Variants in ZFP92 observed in about 807,000 individuals in gnomAD.
ZFP92 encodes zinc finger protein 92 homolog.
A neutral mutation model predicts 7.6 loss-of-function variants in ZFP92; 2 were observed. The observed-to-expected ratio is 0.26, with a 90% CI of 0.11 to 0.83. ZFP92 has a LOEUF of 0.83. Ranked by LOEUF, ZFP92 falls within the 40% of genes least tolerant of loss-of-function variation. The probability of loss-of-function intolerance (pLI) is 0.65; values close to 1 mark genes in which losing one functional copy is unlikely to be tolerated. For synonymous variants in ZFP92, 226 were observed against 183.6 expected, an observed-to-expected ratio of 1.23 and a Z score of -1.87; for missense variants, 324 against 408.3, an observed-to-expected ratio of 0.79 and a Z score of 1.78.
chrX:153,421,761 T>C lies in ZFP92; in HGVS notation c.*133T>C. 1.3e-6 allele frequency: 1 copy of C among 796,744 alleles called. No homozygotes were observed. 65.7% of individuals were successfully genotyped at this position (796,744 alleles called of 1,213,427 possible). A position where few individuals can be genotyped will look rare whatever the true frequency, so the allele number is the denominator to read the frequency against. On this transcript the variant is annotated 3_prime_UTR_variant, in exon 6 of 6. Transcript: ENST00000338647. ...ATTGCGGCCACAGCCCTGACCTCTTTGGCCATCAGAAGACCCCAGGCAGAG... is the reference window on the plus strand; with the variant it reads ...ATTGCGGCCACAGCCCTGACCTCTTCGGCCATCAGAAGACCCCAGGCAGAG...
chrX:153,421,814 A>G lies in ZFP92; in HGVS notation c.*186A>G, dbSNP rs1243074950. The G allele has an allele frequency of 1.8e-6, 1 of 542,276 alleles. No homozygotes were observed. Among genetic ancestry groups the G allele is most frequent in the African/African-American group, 2.5e-5 (1 of 39,830 alleles). 44.7% of individuals were successfully genotyped at this position (542,276 alleles called of 1,213,427 possible). On this transcript the variant is annotated 3_prime_UTR_variant, in exon 6 of 6. Coordinates refer to ENST00000338647, the MANE Select transcript of ZFP92 (RefSeq NM_001136273.2). Reference sequence around the variant, plus strand: ...TCACCCTGAGGCTGAGAAACGCAGGAAGGACTCAGAACCGAGGACTGCCGC... The same window carrying G: ...TCACCCTGAGGCTGAGAAACGCAGGGAGGACTCAGAACCGAGGACTGCCGC...
rs782333576 is a variant in ZFP92 at position 153,421,312 on chromosome X, G to A, written c.935G>A (p.Arg312His). 2.4e-5 allele frequency: 28 copies of A among 1,167,608 alleles called. 1 individual carries two copies. In the South Asian group the frequency reaches 4.9e-4, roughly 20 times the overall value. ...GTCTCGCAGCTCATCCACCACCAGC[G>A]CAGCCACAGCGGCGAGCGGCCCTTC... Reference protein sequence around the residue: ...KGVSQLIHHQRSHSGERPFAC... With the variant: ...KGVSQLIHHQHSHSGERPFAC... The change falls in exon 6 of 6, where the codon CGC becomes CAC. Residue 312 changes from arginine to histidine, a missense_variant. Physicochemically the swap from Arg to His is conservative, Grantham distance 29 (BLOSUM62 0). Coordinates refer to ENST00000338647, the MANE Select transcript of ZFP92 (RefSeq NM_001136273.2).
Position 153,423,011 on chromosome X carries a change from T to C in ZFP92, c.*1383T>C, listed in dbSNP as rs781946005. 1.7e-4 allele frequency: 19 copies of C among 111,895 alleles called. No homozygotes were observed. Among genetic ancestry groups the C allele is most frequent in the Admixed American group, 1.6e-3 (17 of 10,691 alleles). The allele number at this position is 111,895 out of a possible 1,213,427, so 9.2% of individuals were successfully genotyped here. On this transcript the variant is annotated 3_prime_UTR_variant, in exon 6 of 6. Coordinates refer to ENST00000338647, the MANE Select transcript of ZFP92 (RefSeq NM_001136273.2). ...TTAGCCCTGCAGAAACAGGGCAGAC[T>C]CTTCAAATGGCACTTTACTGAAAGC...
In ZFP92 at chrX:153,421,899, C is replaced by T; in HGVS notation, c.*271C>T. ...TGGGAATGGAGGCCCTCTACTCCCT[C>T]CTGAGTCCTGGGCCTTGCAACTGAG... On this transcript the variant is annotated 3_prime_UTR_variant, in exon 6 of 6. Transcript: ENST00000338647. The T allele has an allele frequency of 4.6e-6, 1 of 218,431 alleles. No homozygotes were observed. The highest frequency in any genetic ancestry group is 8.0e-6 in the Non-Finnish European group (1 of 125,381). 18.0% of individuals were successfully genotyped at this position (218,431 alleles called of 1,213,427 possible).
rs2088993505 is a variant in ZFP92 at position 153,420,848 on chromosome X, T to C, written c.471T>C (p.Cys157=). The C allele has an allele frequency of 8.5e-7, 1 of 1,180,347 alleles. No homozygotes were observed. The highest frequency in any genetic ancestry group is 2.5e-5 in the Admixed American group (1 of 40,404). The change falls in exon 6 of 6, where the codon TGT becomes TGC. Residue 157 remains cysteine (C), a synonymous_variant. Transcript: ENST00000338647. ...AGAAGCGGTACCTGTGCCAGCAGTG[T>C]GGGAAGGCCTTCAGCCGCAGCTCCA... ...GAEKRYLCQQ[C]GKAFSRSSNL... is the part of the protein sequence containing the mutation.
chrX:153,411,865 G>A (rs372155094), intron 1 of ZFP92, among the ~76,000 whole-genome samples, 100 bp from the exon 2 acceptor site: 1 of 77,368 alleles, frequency 1.3e-5, no homozygotes, highest in Non-Finnish European at 2.5e-5. Context: ...CAGCCCTCGG[G>A]GCCGCCCCGT....
chrX:153,419,624 T>C (rs781968114), intron 4 of ZFP92, among the ~76,000 whole-genome samples: 92 of 112,464 alleles, frequency 8.2e-4, no homozygotes, highest in African/African-American at 1.9e-3. Flanking sequence ...ACACTCCACT[T>C]CCCCTTGCCG....
intron 2 of ZFP92, among the ~76,000 whole-genome samples, chrX:153,413,999 T>G (rs782334237): frequency 2.4e-4 from 27 of 112,556 alleles, no homozygotes; most frequent in Middle Eastern, 4.6e-3. Context: ...CACTCAACAG[T>G]GCTCTGCTCC....
intron 2 of ZFP92, among the ~76,000 whole-genome samples, 180 bp from the exon 3 acceptor site, chrX:153,418,125 G>A (rs1369889444): frequency 8.9e-6 from 1 of 112,175 alleles, no homozygotes; most frequent in African/African-American, 3.2e-5. Flanking sequence ...GGCCGCCCCA[G>A]GAAGCCATAC....
chrX:153,424,580 G>A lies in ZFP92; in HGVS notation c.*2952G>A, dbSNP rs1466487115. The A allele has an allele frequency of 8.9e-6, 1 of 112,095 alleles. No homozygotes were observed. The highest frequency in any genetic ancestry group is 1.9e-5 in the Non-Finnish European group (1 of 53,191). The allele number at this position is 112,095 out of a possible 1,213,427, so 9.2% of individuals were successfully genotyped here. A position where few individuals can be genotyped will look rare whatever the true frequency, so the allele number is the denominator to read the frequency against. ...AGAATGTAAAAGCTTAAACTATGGG[G>A]AAAGTCTTGCCTGTTTTCCAAGGCT... On this transcript the variant is annotated 3_prime_UTR_variant, in exon 6 of 6. Transcript: ENST00000338647.
intron 4 of ZFP92, among the ~76,000 whole-genome samples, chrX:153,419,454 G>T (rs782002973): frequency 2.7e-5 from 3 of 112,714 alleles, no homozygotes; most frequent in Non-Finnish European, 5.6e-5. Flanking sequence ...GGTAAAGAAC[G>T]TCTGAGGGTG....
Position 153,417,882 on chromosome X carries a change from G to A in ZFP92, c.-18-423G>A, listed in dbSNP as rs138924980. On this transcript the variant is annotated intron_variant, in intron 2 of 5. Transcript: ENST00000338647. ...AGGGTGGGCCCTAATCCAGTGATTG[G>A]CATTCACAACAGACCAGGGAAATTG... Among the ~76,000 whole-genome samples the A allele has an allele frequency of 4.6e-3, 510 of 112,013 alleles. 2 individuals are homozygous for A. The highest frequency in any genetic ancestry group is 0.016 in the African/African-American group (481 of 30,814).
intron 2 of ZFP92, among the ~76,000 whole-genome samples, chrX:153,414,670 A>G (rs1237829989): frequency 9.0e-6 from 1 of 111,664 alleles, no homozygotes; most frequent in Non-Finnish European, 1.9e-5. Flanking sequence ...TTTAAAGAGA[A>G]CAATTCAGAG....
At position 153,423,169 on chromosome X, in the gene ZFP92, C is replaced by G. The variant is rs1374512348; in HGVS notation, c.*1541C>G. ...CCCTTGGTGCTCTCAGCCCAGCGTC[C>G]TGGTCAGCGGCCACCTCCTTCCAGC... On this transcript the variant is annotated 3_prime_UTR_variant, in exon 6 of 6. Coordinates refer to ENST00000338647, the MANE Select transcript of ZFP92 (RefSeq NM_001136273.2). The G allele has an allele frequency of 8.9e-6, 1 of 111,753 alleles. No individual in the cohort carries two copies. The highest frequency in any genetic ancestry group is 1.9e-5 in the Non-Finnish European group (1 of 53,062). 9.2% of individuals were successfully genotyped at this position (111,753 alleles called of 1,213,427 possible).
intron 2 of ZFP92, among the ~76,000 whole-genome samples, chrX:153,414,796 A>AC (rs1290509181): frequency 8.7e-5 from 6 of 68,998 alleles, no homozygotes; most frequent in African/African-American, 2.8e-4. Flanking sequence ...CCATCCCCCC[A>AC]CCCCCGGGCA....
intron 2 of ZFP92, among the ~76,000 whole-genome samples, chrX:153,417,445 GCACTGCCCTCACCTCTCTTCTCTT>G (rs781968504): frequency 3.1e-3 from 349 of 111,956 alleles, no homozygotes; most frequent in Non-Finnish European, 5.7e-3. Flanking sequence ...CCTTGATTCT[GCACTGCCCTCACCTCTCTTCTCTT>G]CATTTTGCAA....
chrX:153,412,433 G>A (rs2088916132), intron 2 of ZFP92, among the ~76,000 whole-genome samples: 1 of 112,618 alleles, frequency 8.9e-6, no homozygotes, highest in South Asian at 3.7e-4. Flanking sequence ...TGTTGTTCTC[G>A]TTCTAGTGGC....
chrX:153,418,471 T>C, intron 3 of ZFP92, 116 bp downstream of exon 3: 1 of 1,022,300 alleles, frequency 9.8e-7, no homozygotes, highest in African/African-American at 1.9e-5. Context: ...ATCGTTTTCC[T>C]TTCCTGAGGC....
intron 5 of ZFP92, 145 bp from the exon 6 acceptor site, chrX:153,420,498 C>A (rs782658877): frequency 2.1e-5 from 20 of 937,114 alleles, no homozygotes; most frequent in Non-Finnish European, 2.9e-5. Flanking sequence ...CCCATCCTCC[C>A]GCCCCTTCAT....
Sources: gnomAD v4.1 joint callset for allele counts (sites outside exome capture counted in the v4.1 genomes callset) on GRCh38, gnomAD v4.1.1 for gene constraint, MANE v1.5 for transcripts, NCBI Gene and HGNC (gene_info 2026-07-23, HGNC 2026-07-21) for gene names.